PIAS2: variants seen among roughly 807,000 people sequenced by gnomAD.
The protein encoded by PIAS2 is protein inhibitor of activated STAT 2, also known as E3 SUMO-protein ligase PIAS2.
Under a neutral mutation model 69.7 loss-of-function variants are expected in PIAS2, and 19 were observed. That is an observed-to-expected ratio of 0.27 (90% CI 0.19 to 0.40). The LOEUF is 0.40. PIAS2 is among the 10% of genes least tolerant of loss of function. The pLI is 1.00. For missense variants in PIAS2, 624 were observed against 757.0 expected (o/e 0.82, Z 2.06); for synonymous variants, 261 against 263.2 (o/e 0.99, Z 0.08).
At chr18:46,833,131 G>A (rs2043923740) in intron 9 of PIAS2, among the ~76,000 whole-genome samples, 1 of 152,166 alleles carries the variant, frequency 6.6e-6, no homozygotes, top group East Asian at 1.9e-4. Flanking sequence ...GTTCACAGTA[G>A]CTGTATTTCC....
chr18:46,867,373 C>G (rs1189689564), intron 2 of PIAS2, among the ~76,000 whole-genome samples: 1 of 152,112 alleles, frequency 6.6e-6, no homozygotes, highest in African/African-American at 2.4e-5. Flanking sequence ...ATTGACAGTT[C>G]TTAGATAAGT....
chr18:46,854,232 T>C (rs1421475142), intron 5 of PIAS2, among the ~76,000 whole-genome samples: 1 of 152,146 alleles, frequency 6.6e-6, no homozygotes, highest in Non-Finnish European at 1.5e-5. Flanking sequence ...GAGTCCTAGA[T>C]CATATTGTCT....
At chr18:46,880,629 C>CA (rs1380327443) in intron 2 of PIAS2, among the ~76,000 whole-genome samples, 1 of 152,070 alleles carries the variant, frequency 6.6e-6, no homozygotes, top group African/African-American at 2.4e-5. Flanking sequence ...AAAATTGGGA[C>CA]AAAAAATTTA....
In PIAS2 at chr18:46,807,368, TATATA is replaced by T. The variant is rs2040741114; in HGVS notation, c.*5060_*5064del. On this transcript the variant is annotated 3_prime_UTR_variant, in exon 14 of 14. Coordinates refer to ENST00000585916, the MANE Select transcript of PIAS2 (RefSeq NM_004671.5). ...ACATGTCAGATTTTATATATATATA[TATATA>T]TATATATATATTTTTTTTTTTTTTT... The T allele has an allele frequency of 3.6e-5, 1 of 27,628 alleles. No homozygotes were observed. The highest frequency in any genetic ancestry group is 7.7e-5 in the Non-Finnish European group (1 of 12,956). 1.7% of individuals were successfully genotyped at this position (27,628 alleles called of 1,614,324 possible).
chr18:46,873,100 C>T (rs1006811065), intron 2 of PIAS2, among the ~76,000 whole-genome samples: 2 of 152,256 alleles, frequency 1.3e-5, no homozygotes, highest in Admixed American at 6.5e-5. Flanking sequence ...TCACGGCTAC[C>T]GCCTTGTTAA....
At chr18:46,838,833 C>T (rs1442622212) in intron 8 of PIAS2, among the ~76,000 whole-genome samples, 1 of 152,124 alleles carries the variant, frequency 6.6e-6, no homozygotes, top group African/African-American at 2.4e-5. Context: ...TATCACAAAT[C>T]CAAATGGTCC....
At chr18:46,883,013 G>A (rs564793047) in intron 2 of PIAS2, among the ~76,000 whole-genome samples, 14 of 151,168 alleles carry the variant, frequency 9.3e-5, no homozygotes, top group Admixed American at 5.3e-4. Flanking sequence ...AAAAAAAATC[G>A]CTTGAACCCG....
rs2041037008 is a variant in PIAS2, at chr18:46,812,067, A to G, written c.*366T>C. 6.4e-6 allele frequency: 1 copy of G among 156,294 alleles called. No individual in the cohort carries two copies. The highest frequency in any genetic ancestry group is 2.4e-5 in the African/African-American group (1 of 41,466). The allele number at this position is 156,294 out of a possible 1,614,324, so 9.7% of individuals were successfully genotyped here. ...ATCAGTGATTACAATTTTTTTTTTA[A>G]TTAGAAAAAAGGTTACTTGAATATT... On this transcript the variant is annotated 3_prime_UTR_variant, in exon 14 of 14. Coordinates refer to ENST00000585916, the MANE Select transcript of PIAS2 (RefSeq NM_004671.5).
intron 1 of PIAS2, among the ~76,000 whole-genome samples, chr18:46,899,626 C>T (rs952413896): frequency 6.6e-6 from 1 of 152,170 alleles, no homozygotes; most frequent in African/African-American, 2.4e-5. Context: ...CACCACCATG[C>T]CTGCTAATCT....
chr18:46,844,754 G>C lies in PIAS2; in HGVS notation c.947C>G (p.Pro316Arg), dbSNP rs779896219. 2.1e-6 allele frequency: 3 copies of C among 1,440,940 alleles called. No individual in the cohort carries two copies. The South Asian group carries it at 4.5e-5, about 21-fold the overall frequency. The allele number at this position is 1,440,940 out of a possible 1,614,324, so 89.3% of individuals were successfully genotyped here. A position where few individuals can be genotyped will look rare whatever the true frequency, so the allele number is the denominator to read the frequency against. ...CTTACTTAGTGCTCTGGAATGATCA[G>C]GGTTTCTAATACCTTTCATTTTTAA... ...QRLKMKGIRNPDHSRALIKEK... is the reference protein window; with the variant it reads ...QRLKMKGIRNRDHSRALIKEK... The change falls in exon 7 of 14, where the codon CCT becomes CGT. Residue 316 changes from proline to arginine, a missense_variant. Transcript: ENST00000585916.
Position 46,811,057 on chromosome 18 carries a change from A to G in PIAS2, c.*1376T>C, listed in dbSNP as rs1327747619. On this transcript the variant is annotated 3_prime_UTR_variant, in exon 14 of 14. Coordinates refer to ENST00000585916, the MANE Select transcript of PIAS2 (RefSeq NM_004671.5). ...TAAAACCCAGTTTTCTCTGTGATTT[A>G]AAATCAAACAAACACACTATAGAAG... 6.6e-6 allele frequency: 1 copy of G among 152,190 alleles called. No homozygotes were observed. Among genetic ancestry groups the G allele is most frequent in the Admixed American group, 6.5e-5 (1 of 15,280 alleles). 9.4% of individuals were successfully genotyped at this position (152,190 alleles called of 1,614,324 possible).
At chr18:46,883,285 T>C (rs2052594848) in intron 2 of PIAS2, among the ~76,000 whole-genome samples, 1 of 152,056 alleles carries the variant, frequency 6.6e-6, no homozygotes, top group Admixed American at 6.6e-5. Context: ...ATGAAGAAAT[T>C]AAGGAATCAA....
chr18:46,897,118 C>G (rs1371345343), intron 1 of PIAS2, among the ~76,000 whole-genome samples: 4 of 152,088 alleles, frequency 2.6e-5, no homozygotes, highest in Non-Finnish European at 2.9e-5. Flanking sequence ...TGGGTGTGGG[C>G]ATGTGGGGAC....
At chr18:46,823,048 G>A (rs543011024) in intron 11 of PIAS2, among the ~76,000 whole-genome samples, 82 of 148,108 alleles carry the variant, frequency 5.5e-4, no homozygotes, top group African/African-American at 1.9e-3. Flanking sequence ...ACCAGACTAC[G>A]GAACATAGGG....
chr18:46,901,747 C>A (rs2055894886), intron 1 of PIAS2, among the ~76,000 whole-genome samples: 1 of 152,298 alleles, frequency 6.6e-6, no homozygotes. Flanking sequence ...TAAAAACCCT[C>A]AAAAACAAGA....
chr18:46,895,114 T>C lies in PIAS2; in HGVS notation c.25-4060A>G, dbSNP rs2054644166. Among the ~76,000 whole-genome samples the C allele has an allele frequency of 2.0e-5, 3 of 151,186 alleles. No individual in the cohort carries two copies. The South Asian group carries it at 6.3e-4, about 32-fold the overall frequency. On this transcript the variant is annotated intron_variant, in intron 1 of 13. Transcript: ENST00000585916. ...AAATACCTCATCAAACAGGTATACA[T>C]GACAGTTACATGTAATCACCAGTGA...
At chr18:46,812,941 C>T (rs1357589773) in intron 13 of PIAS2, among the ~76,000 whole-genome samples, 1 of 152,094 alleles carries the variant, frequency 6.6e-6, no homozygotes, top group Non-Finnish European at 1.5e-5. Context: ...AGAATTTGCT[C>T]CCTAACTGTA....
At chr18:46,916,445 T>A (rs2057912478) in intron 1 of PIAS2, among the ~76,000 whole-genome samples, 1 of 152,072 alleles carries the variant, frequency 6.6e-6, no homozygotes, top group South Asian at 2.1e-4. Context: ...AAACATCTCA[T>A]TTATGTCGCC....
intron 1 of PIAS2, among the ~76,000 whole-genome samples, chr18:46,911,984 G>C (rs1212459695): frequency 6.6e-6 from 1 of 152,184 alleles, no homozygotes; most frequent in Non-Finnish European, 1.5e-5. Context: ...CCAGGAGGCG[G>C]AGGTTGCAGT....
Sources: allele counts gnomAD v4.1 joint callset (sites outside exome capture counted in the v4.1 genomes callset), GRCh38; gene constraint gnomAD v4.1.1; transcripts MANE v1.5; gene names NCBI Gene and HGNC (gene_info 2026-07-23, HGNC 2026-07-21).